RGS7: variants seen among roughly 807,000 people sequenced by gnomAD.
The protein encoded by RGS7 is regulator of G protein signaling 7.
A neutral mutation model predicts 81.1 loss-of-function variants in RGS7; 27 were observed. That is an observed-to-expected ratio of 0.33 (90% CI 0.25 to 0.46). The LOEUF is 0.46. RGS7 is among the 20% of genes least tolerant of loss of function. RGS7 has a pLI of 1.00. For missense variants in RGS7, 396 were observed against 607.4 expected (o/e 0.65, Z 3.66); for synonymous variants, 208 against 207.7 (o/e 1.00, Z -0.01).
At chr1:241,089,993 CAA>C (rs10716500) in intron 3 of RGS7, among the ~76,000 whole-genome samples, 233 of 93,018 alleles carry the variant, frequency 2.5e-3, no homozygotes, top group African/African-American at 7.6e-3. Context: ...GACTCCATCT[CAA>C]AAAAAAAAAA....
At chr1:240,936,535 A>C (rs2148375508) in intron 5 of RGS7, 65 bp downstream of exon 5, 2 of 1,228,926 alleles carry the variant, frequency 1.6e-6, no homozygotes, top group South Asian at 1.2e-5. Context: ...TTCAAAAGAA[A>C]CCTAACTAAC....
At chr1:240,784,175 G>T (rs932413564) in intron 18 of RGS7, among the ~76,000 whole-genome samples, 4 of 149,708 alleles carry the variant, frequency 2.7e-5, no homozygotes, top group African/African-American at 9.9e-5. Flanking sequence ...CTACAAAAGC[G>T]AAACTCTGTC....
intron 4 of RGS7, among the ~76,000 whole-genome samples, chr1:240,947,133 G>C (rs1275977297): frequency 6.6e-6 from 1 of 152,166 alleles, no homozygotes; most frequent in East Asian, 1.9e-4. Context: ...GGTGGGAAGA[G>C]TACTGCATTA....
At chr1:241,036,480 G>C (rs960290484) in intron 3 of RGS7, among the ~76,000 whole-genome samples, 1 of 152,112 alleles carries the variant, frequency 6.6e-6, no homozygotes, top group Non-Finnish European at 1.5e-5. Flanking sequence ...GTGGTTGTTG[G>C]CCTTAGCTAC....
intron 2 of RGS7, among the ~76,000 whole-genome samples, chr1:241,203,790 T>C (rs1010816796): frequency 1.3e-5 from 2 of 152,202 alleles, no homozygotes; most frequent in African/African-American, 4.8e-5. Flanking sequence ...TCTCTTTTCA[T>C]TTATTCGTTC....
At chr1:240,998,507 T>A (rs1002635531) in intron 3 of RGS7, 33 of 1,046,792 alleles carry the variant, frequency 3.2e-5, no homozygotes, top group Non-Finnish European at 1.4e-6. Context: ...TTTCTTTGCT[T>A]CCACTTTCTT....
chr1:241,058,422 G>T (rs1437167995), intron 3 of RGS7, among the ~76,000 whole-genome samples: 1 of 152,184 alleles, frequency 6.6e-6, no homozygotes, highest in Non-Finnish European at 1.5e-5. Context: ...GTCAAATAGG[G>T]CACTTGTCCT....
intron 2 of RGS7, among the ~76,000 whole-genome samples, chr1:241,126,089 C>T (rs896687076): frequency 6.6e-6 from 1 of 151,982 alleles, no homozygotes; most frequent in Non-Finnish European, 1.5e-5. Context: ...AATGTGGCAG[C>T]TTTTGCTCTT....
intron 2 of RGS7, among the ~76,000 whole-genome samples, chr1:241,268,714 G>C (rs1046591577): frequency 3.9e-5 from 6 of 152,176 alleles, no homozygotes; most frequent in African/African-American, 1.4e-4. Context: ...CCCCAGTCAT[G>C]TGTCATTATG....
chr1:241,345,142 C>A (rs1273561833), intron 2 of RGS7, among the ~76,000 whole-genome samples: 1 of 152,136 alleles, frequency 6.6e-6, no homozygotes, highest in Non-Finnish European at 1.5e-5. Context: ...CAACAGAAAA[C>A]CAAACACTGC....
intron 3 of RGS7, among the ~76,000 whole-genome samples, chr1:241,092,370 T>G (rs2063943635): frequency 6.6e-6 from 1 of 152,208 alleles, no homozygotes; most frequent in South Asian, 2.1e-4. Flanking sequence ...GAGTTTTAAG[T>G]ACAAAGGATT....
At chr1:240,908,473 A>ACAAATGAAT (rs1286902610) in intron 6 of RGS7, among the ~76,000 whole-genome samples, 2 of 152,216 alleles carry the variant, frequency 1.3e-5, no homozygotes, top group African/African-American at 4.8e-5. Flanking sequence ...GCCCACATGA[A>ACAAATGAAT]CAAATGAATG....
chr1:240,797,738 T>C (rs1558266277), intron 18 of RGS7, among the ~76,000 whole-genome samples: 1 of 152,218 alleles, frequency 6.6e-6, no homozygotes, highest in Non-Finnish European at 1.5e-5. Context: ...TCTTAAAGCA[T>C]ATGAACCTTT....
chr1:240,890,149 G>A (rs1485527550), intron 6 of RGS7, among the ~76,000 whole-genome samples: 1 of 152,092 alleles, frequency 6.6e-6, no homozygotes, highest in Non-Finnish European at 1.5e-5. Context: ...GATCTCTGGG[G>A]CTTCTGCCCT....
At chr1:240,961,029 T>C (rs1681338603) in intron 4 of RGS7, among the ~76,000 whole-genome samples, 2 of 152,098 alleles carry the variant, frequency 1.3e-5, no homozygotes, top group Admixed American at 6.6e-5. Context: ...GAAAAACAAA[T>C]GGTTGATTCC....
At chr1:241,339,198 C>A (rs1020233984) in intron 2 of RGS7, among the ~76,000 whole-genome samples, 1 of 152,162 alleles carries the variant, frequency 6.6e-6, no homozygotes, top group Non-Finnish European at 1.5e-5. Context: ...TCTATCCATG[C>A]CCCTGCAAAC....
intron 6 of RGS7, among the ~76,000 whole-genome samples, chr1:240,911,503 G>T (rs965194112): frequency 1.3e-5 from 2 of 152,052 alleles, no homozygotes; most frequent in Admixed American, 6.6e-5. Context: ...CACGACCATG[G>T]CTTTAACTAT....
rs529005541 is a variant in RGS7 at position 240,927,308 on chromosome 1, G to A, written c.385+3409C>T. Among the ~76,000 whole-genome samples, 6 of 152,036 alleles carry A rather than the reference G, an allele frequency of 3.9e-5. No homozygotes were observed. In the South Asian group the frequency reaches 6.2e-4, roughly 16 times the overall value. On this transcript the variant is annotated intron_variant, in intron 6 of 18. Coordinates refer to ENST00000440928, the MANE Select transcript of RGS7 (RefSeq NM_001364886.1). ...TCTTGATCTCTTGACCTTGTGATAC[G>A]CCCACCTCAGCCTACCAATGTGTTG...
intron 2 of RGS7, among the ~76,000 whole-genome samples, chr1:241,165,423 C>T (rs1396882525): frequency 6.6e-6 from 1 of 151,976 alleles, no homozygotes; most frequent in African/African-American, 2.4e-5. Flanking sequence ...AAATGTGGCA[C>T]ATATACACAT....
Sources: gnomAD v4.1 joint callset for allele counts (sites outside exome capture counted in the v4.1 genomes callset) on GRCh38, gnomAD v4.1.1 for gene constraint, MANE v1.5 for transcripts, NCBI Gene and HGNC (gene_info 2026-07-23, HGNC 2026-07-21) for gene names.